SETD1A: variants seen among roughly 807,000 people sequenced by gnomAD.
SETD1A encodes the protein histone-lysine N-methyltransferase SETD1A.
SETD1A carries 29 observed loss-of-function variants against 149.9 expected under a neutral mutation model. The observed-to-expected ratio is 0.19, with a 90% confidence interval of 0.14 to 0.26. The LOEUF (loss-of-function observed/expected upper bound fraction) is 0.26. Ranked by LOEUF, SETD1A falls within the 10% of genes least tolerant of loss-of-function variation. The pLI is 1.00. For synonymous variants in SETD1A, 1,141 were observed against 968.5 expected (o/e 1.18, Z -3.31); for missense variants, 2,109 against 2,353.1 (o/e 0.90, Z 2.15).
chr16:30,971,487 ATCC>A lies in SETD1A; in HGVS notation c.3141_3143del (p.Ser1058del), dbSNP rs777098458. 3.1e-4 allele frequency: 488 copies of A among 1,594,820 alleles called. No individual in the cohort carries two copies. The highest frequency in any genetic ancestry group is 5.2e-4 in the East Asian group (23 of 43,956). On this transcript the variant is annotated inframe_deletion, in exon 13 of 19. Transcript: ENST00000262519. ...AGAGCAGCAGCTCTTCCAGCTCCTCATCCTCCTCCTCCTCCTCGTCCTCATCCT... is the reference window on the plus strand; with the variant it reads ...AGAGCAGCAGCTCTTCCAGCTCCTCATCCTCCTCCTCCTCGTCCTCATCCT...
chr16:30,962,191 A>G (rs1202532456), intron 4 of SETD1A, among the ~76,000 whole-genome samples: 1 of 151,198 alleles, frequency 6.6e-6, no homozygotes, highest in Admixed American at 6.6e-5. Flanking sequence ...CAGCCTCTTG[A>G]GTAGCTAGGA....
Position 30,971,572 on chromosome 16 carries a change from C to T in SETD1A, c.3211C>T (p.Pro1071Ser), listed in dbSNP as rs776949639. 2 of 1,613,910 alleles carry T rather than the reference C, an allele frequency of 1.2e-6. No individual in the cohort carries two copies. Among genetic ancestry groups the T allele is most frequent in the South Asian group, 2.2e-5 (2 of 91,060 alleles). The change falls in exon 13 of 19, where the codon CCA becomes TCA. Residue 1071 changes from proline (P) to serine (S), a missense_variant. Pro to Ser is a moderately conservative substitution (Grantham distance 74). Around this residue, in one of 8 missense-constraint regions of SETD1A, gnomAD observed 832 missense variants for 815.6 expected, o/e 1.02. Coordinates refer to ENST00000262519, the MANE Select transcript of SETD1A (RefSeq NM_014712.3). The part of the protein sequence containing the change: ...SSEDEEEEER[P>S]AALPSASPPP... Reference sequence around the variant, plus strand: ...TGAAGATGAAGAGGAAGAGGAGCGGCCAGCAGCCCTTCCCTCAGCCTCCCC... The same window carrying T: ...TGAAGATGAAGAGGAAGAGGAGCGGTCAGCAGCCCTTCCCTCAGCCTCCCC...
rs2056048511 is a variant in SETD1A at position 30,961,260 on chromosome 16, TC to T, written c.247-3del. ...AGACCCCATACCAACTCCTGTTCTT[TC>T]CCCAGCTGGACGAGTTCTATATTGG... On this transcript the variant is annotated splice_region_variant and splice_polypyrimidine_tract_variant and intron_variant, in intron 3 of 18. Coordinates refer to ENST00000262519, the MANE Select transcript of SETD1A (RefSeq NM_014712.3). This position sits in a 1 kb window ranked among gnomAD's most constrained non-coding sequence, Gnocchi z 4.0. 1.2e-6 allele frequency: 2 copies of T among 1,613,936 alleles called. No homozygotes were observed. Among genetic ancestry groups the T allele is most frequent in the Non-Finnish European group, 1.7e-6 (2 of 1,179,998 alleles).
At chr16:30,976,538 G>C (rs1366011727) in intron 13 of SETD1A, among the ~76,000 whole-genome samples, 1 of 152,148 alleles carries the variant, frequency 6.6e-6, no homozygotes, top group Admixed American at 6.6e-5. Flanking sequence ...ACGGGCCCTG[G>C]GGTCTGGGCA....
Position 30,979,703 on chromosome 16 carries a change from T to C in SETD1A, c.3917T>C (p.Val1306Ala). 1 of 1,603,074 alleles carries C rather than the reference T, an allele frequency of 6.2e-7. No homozygotes were observed. The change falls in exon 14 of 19, where the codon GTC (valine) becomes GCC (alanine). Residue 1306 changes from valine to alanine, a missense_variant. By Grantham distance (64) the Val-to-Ala change is moderately conservative (BLOSUM62 0). Transcript: ENST00000262519. ...CTGGAGCACAACTATGCCCTGGCCG[T>C]CAAGCCCACGCCCCCTGCGCCAGCC... Reference protein sequence around the residue: ...ILLEHNYALAVKPTPPAPALR... With the variant: ...ILLEHNYALAAKPTPPAPALR...
At chr16:30,968,894 C>T (rs888155841) in intron 10 of SETD1A, among the ~76,000 whole-genome samples, 6 of 152,144 alleles carry the variant, frequency 3.9e-5, no homozygotes, top group Non-Finnish European at 8.8e-5. Flanking sequence ...CACTTGAACC[C>T]AGGAGTTCAA....
At chr16:30,982,758 C>A (rs1476782231) in intron 17 of SETD1A, among the ~76,000 whole-genome samples, 1 of 151,808 alleles carries the variant, frequency 6.6e-6, no homozygotes, top group Non-Finnish European at 1.5e-5. Context: ...AAGGGTGGCC[C>A]GACCCAAGCA....
rs1226410136 is a variant in SETD1A at position 30,980,462 on chromosome 16, T to C, written c.4409-23T>C. 6 of 1,600,412 alleles carry C rather than the reference T, an allele frequency of 3.7e-6. No individual in the cohort carries two copies. Among genetic ancestry groups the C allele is most frequent in the Non-Finnish European group, 4.3e-6 (5 of 1,172,072 alleles). On this transcript the variant is annotated intron_variant, in intron 14 of 18. Transcript: ENST00000262519. The surrounding 1 kb of genome is among the most constrained non-coding windows in gnomAD (Gnocchi z 7.7). ...GACGCAGGTGGCCAGAGAGGAGCCG[T>C]TCTCTTCCTTAACACCCTGCACTCA...
At chr16:30,958,498 C>G in intron 1 of SETD1A, 1 of 557,286 alleles carries the variant, frequency 1.8e-6, no homozygotes. Context: ...CGAGACGGGC[C>G]TGGGGGCCTG....
At chr16:30,971,808 T>G (rs2056229142) in intron 13 of SETD1A, 89 bp downstream of exon 13, 6 of 1,422,748 alleles carry the variant, frequency 4.2e-6, no homozygotes, top group Non-Finnish European at 5.5e-6. Context: ...TGTACAAGTG[T>G]GTGACTTTAT....
Position 30,961,186 on chromosome 16 carries a change from G to C in SETD1A, c.247-81G>C, listed in dbSNP as rs2056047506. On this transcript the variant is annotated intron_variant, in intron 3 of 18. Coordinates refer to ENST00000262519, the MANE Select transcript of SETD1A (RefSeq NM_014712.3). This position sits in a 1 kb window ranked among gnomAD's most constrained non-coding sequence, Gnocchi z 4.0. ...TCCCGGATCTCTCTCTTGACTTCAT[G>C]GAGCTTGCTAAAGTTTCCCGAAGGA... 3 of 1,432,222 alleles carry C rather than the reference G, an allele frequency of 2.1e-6. No homozygotes were observed. The African/African-American group carries it at 4.3e-5, about 20-fold the overall frequency. The allele number at this position is 1,432,222 out of a possible 1,614,324, so 88.7% of individuals were successfully genotyped here. A position where few individuals can be genotyped will look rare whatever the true frequency, so the allele number is the denominator to read the frequency against.
chr16:30,966,176 G>A lies in SETD1A; in HGVS notation c.2295G>A (p.Ser765=), dbSNP rs747345854. The change falls in exon 8 of 19, where the codon TCG becomes TCA. Residue 765 remains serine, a synonymous_variant. Coordinates refer to ENST00000262519, the MANE Select transcript of SETD1A (RefSeq NM_014712.3). ...AGCCCCTGCCCTCCTCCTCAGTCTC[G>A]GGAGAGGAGGCCCGGCTGCCACCCA... The part of the protein sequence containing the change: ...AAEPLPSSSV[S]GEEARLPPRE... 22 of 1,611,518 alleles carry A rather than the reference G, an allele frequency of 1.4e-5. No individual in the cohort carries two copies. The highest frequency in any genetic ancestry group is 1.7e-5 in the Non-Finnish European group (20 of 1,178,914).
rs749156203 is a variant in SETD1A at position 30,983,705 on chromosome 16, A to G, written c.4883A>G (p.Asp1628Gly). The G allele has an allele frequency of 6.2e-7, 1 of 1,614,098 alleles. No homozygotes were observed. The highest frequency in any genetic ancestry group is 1.7e-5 in the Admixed American group (1 of 60,004). The change falls in exon 18 of 19, where the codon GAC (aspartate) becomes GGC (glycine). Residue 1628 changes from aspartate (D) to glycine (G), a missense_variant. Physicochemically the swap from Asp to Gly is moderately conservative, Grantham distance 94. Around this residue, in one of 8 missense-constraint regions of SETD1A, gnomAD observed 254 missense variants for 409.3 expected, o/e 0.62. Coordinates refer to ENST00000262519, the MANE Select transcript of SETD1A (RefSeq NM_014712.3). The surrounding 1 kb of genome is among the most constrained non-coding windows in gnomAD (Gnocchi z 6.8). ...GIGSSYLFRV[D>G]HDTIIDATKC... is the part of the protein sequence containing the mutation. ...GGCAGCAGCTACCTGTTCCGGGTGG[A>G]CCACGACACCATCATCGATGCCACC...
chr16:30,978,957 G>A (rs919464067), intron 13 of SETD1A, among the ~76,000 whole-genome samples, 188 bp from the exon 14 acceptor site: 1 of 152,192 alleles, frequency 6.6e-6, no homozygotes. Context: ...ACGAATGGGT[G>A]GGAAACCCCC....
At position 30,980,465 on chromosome 16, in the gene SETD1A, T is replaced by C. The variant is rs1567364690; in HGVS notation, c.4409-20T>C. 1 of 1,602,556 alleles carries C rather than the reference T, an allele frequency of 6.2e-7. No individual in the cohort carries two copies. The highest frequency in any genetic ancestry group is 8.5e-7 in the Non-Finnish European group (1 of 1,173,162). On this transcript the variant is annotated intron_variant, in intron 14 of 18. Coordinates refer to ENST00000262519, the MANE Select transcript of SETD1A (RefSeq NM_014712.3). The surrounding 1 kb of genome is among the most constrained non-coding windows in gnomAD (Gnocchi z 7.7). Reference sequence around the variant, plus strand: ...GCAGGTGGCCAGAGAGGAGCCGTTCTCTTCCTTAACACCCTGCACTCACCA... The same window carrying C: ...GCAGGTGGCCAGAGAGGAGCCGTTCCCTTCCTTAACACCCTGCACTCACCA...
Position 30,965,732 on chromosome 16 carries a change from C to T in SETD1A, c.1851C>T (p.Tyr617=), listed in dbSNP as rs1463366681. ...CTCCCCCGCCGCCTCCTCCTCCCTACCTGGCGTCCCTTCCTCTTGGTTATC... is the reference window on the plus strand; with the variant it reads ...CTCCCCCGCCGCCTCCTCCTCCCTATCTGGCGTCCCTTCCTCTTGGTTATC... ...PPPPPPPPPP[Y]LASLPLGYPP... The change falls in exon 8 of 19, where the codon TAC becomes TAT. Residue 617 remains tyrosine, a synonymous_variant. Transcript: ENST00000262519. 6 of 1,573,294 alleles carry T rather than the reference C, an allele frequency of 3.8e-6. No homozygotes were observed. The highest frequency in any genetic ancestry group is 5.2e-6 in the Non-Finnish European group (6 of 1,157,394).
intron 10 of SETD1A, among the ~76,000 whole-genome samples, chr16:30,968,929 A>G (rs1037313621): frequency 2.6e-5 from 4 of 152,074 alleles, no homozygotes; most frequent in African/African-American, 7.2e-5. Context: ...ACATAGGTAG[A>G]CCCTGTCTCT....
At chr16:30,978,023 C>G (rs1263190173) in intron 13 of SETD1A, among the ~76,000 whole-genome samples, 1 of 151,638 alleles carries the variant, frequency 6.6e-6, no homozygotes, top group African/African-American at 2.4e-5. Flanking sequence ...CGCCTGTAAC[C>G]CCAGCACTTT....
In SETD1A at chr16:30,969,478, C is replaced by A; in HGVS notation, c.2928+16C>A. Reference sequence around the variant, plus strand: ...CTCGGAGAAGGTGAGGGCCCGGGCGCCGGCTCCTGGCCGAAGCCTACTTCC... The same window carrying A: ...CTCGGAGAAGGTGAGGGCCCGGGCGACGGCTCCTGGCCGAAGCCTACTTCC... On this transcript the variant is annotated intron_variant, in intron 11 of 18. Coordinates refer to ENST00000262519, the MANE Select transcript of SETD1A (RefSeq NM_014712.3). 6.2e-7 allele frequency: 1 copy of A among 1,602,634 alleles called. No individual in the cohort carries two copies. Among genetic ancestry groups the A allele is most frequent in the East Asian group, 2.3e-5 (1 of 44,424 alleles).
Sources: gnomAD v4.1 joint callset for allele counts (sites outside exome capture counted in the v4.1 genomes callset) on GRCh38, gnomAD v4.1.1 for gene constraint, gnomAD v4.1.1 regional missense constraint, Gnocchi (gnomAD v3.1) non-coding constraint, MANE v1.5 for transcripts, NCBI Gene and HGNC (gene_info 2026-07-23, HGNC 2026-07-21) for gene names.